Variants in SHQ1 observed in about 807,000 individuals in gnomAD.
SHQ1 encodes SHQ1, H/ACA ribonucleoprotein assembly factor.
SHQ1 carries 49 observed loss-of-function variants against 53.8 expected under a neutral mutation model. The ratio of observed to expected loss-of-function variants is 0.91; its 90% CI spans 0.72 to 1.16. The LOEUF (loss-of-function observed/expected upper bound fraction) is 1.16, where lower values mean the gene tolerates loss of function less well. Among genes scored for constraint, SHQ1 ranks in the 50% most tolerant of loss-of-function variants. The probability of loss-of-function intolerance (pLI) is 0.00; values close to 1 mark genes in which losing one functional copy is unlikely to be tolerated. For missense variants in SHQ1, 738 were observed against 683.1 expected (o/e 1.08, Z -0.90); for synonymous variants, 243 against 251.0 (o/e 0.97, Z 0.30).
At chr3:72,751,024 G>C (rs1417648511) in intron 10 of SHQ1, among the ~76,000 whole-genome samples, 188 bp from the exon 11 acceptor site, 1 of 152,146 alleles carries the variant, frequency 6.6e-6, no homozygotes, top group Non-Finnish European at 1.5e-5. Flanking sequence ...GGGAAACACA[G>C]ATTTCTTTTA....
intron 9 of SHQ1, among the ~76,000 whole-genome samples, chr3:72,808,077 C>CA (rs1362283984): frequency 6.6e-6 from 1 of 151,870 alleles, no homozygotes; most frequent in Admixed American, 6.6e-5. Context: ...TTTTCTTAGC[C>CA]AAAAAAATTT....
At chr3:72,833,499 TAGACAGACAGACAGAC>T (rs58448242) in intron 4 of SHQ1, among the ~76,000 whole-genome samples, 6 of 37,458 alleles carry the variant, frequency 1.6e-4, no homozygotes, top group Non-Finnish European at 2.4e-4. Flanking sequence ...GATAGATAGA[TAGACAGACAGACAGAC>T]AGATAGATGG....
intron 6 of SHQ1, among the ~76,000 whole-genome samples, chr3:72,822,221 C>T (rs1707498447): frequency 6.6e-6 from 1 of 152,142 alleles, no homozygotes; most frequent in Non-Finnish European, 1.5e-5. Flanking sequence ...ACACGCTGTT[C>T]GACACAAAGC....
At chr3:72,731,452 G>A in the SHQ1 span, among the ~76,000 whole-genome samples, 8 of 151,446 alleles carry the variant, frequency 5.3e-5, no homozygotes, top group Non-Finnish European at 8.8e-5. Context: ...TTGGGAGGCC[G>A]AGACAGATGG....
Position 72,753,155 on chromosome 3 carries a change from A to G in SHQ1, c.1182-2319T>C, listed in dbSNP as rs891901458. On this transcript the variant is annotated intron_variant, in intron 10 of 10. Coordinates refer to ENST00000325599, the MANE Select transcript of SHQ1 (RefSeq NM_018130.3). ...GAAATCTGATGTGACAACTGAAGAA[A>G]GGTGACAGTGAGTGAAAGTGGTAAA... 9.1e-6 allele frequency: 9 copies of G among 985,288 alleles called. No homozygotes were observed. The Admixed American group carries it at 2.5e-4, about 27-fold the overall frequency. 61.0% of individuals were successfully genotyped at this position (985,288 alleles called of 1,614,324 possible).
intron 6 of SHQ1, among the ~76,000 whole-genome samples, chr3:72,821,985 A>T (rs961880803): frequency 7.2e-5 from 11 of 151,924 alleles, no homozygotes; most frequent in African/African-American, 2.7e-4. Flanking sequence ...AAACCATCCA[A>T]CTCCTGGCTC....
intron 6 of SHQ1, among the ~76,000 whole-genome samples, chr3:72,820,869 C>T (rs1203957486): frequency 6.6e-6 from 1 of 152,188 alleles, no homozygotes; most frequent in Non-Finnish European, 1.5e-5. Flanking sequence ...ACATCAAAAA[C>T]CCCACCAATA....
At chr3:72,833,075 T>C (rs868253920) in intron 4 of SHQ1, among the ~76,000 whole-genome samples, 3 of 152,190 alleles carry the variant, frequency 2.0e-5, no homozygotes, top group Middle Eastern at 3.2e-3. Flanking sequence ...CCAAAGAGTA[T>C]TTCCTTTGAG....
At chr3:72,805,541 G>C (rs1706914157) in intron 9 of SHQ1, among the ~76,000 whole-genome samples, 1 of 152,100 alleles carries the variant, frequency 6.6e-6, no homozygotes, top group African/African-American at 2.4e-5. Context: ...ACTAATTATA[G>C]AAGTTTTTTT....
At position 72,749,593 on chromosome 3, in the gene SHQ1, G is replaced by T; in HGVS notation, c.*691C>A. The T allele has an allele frequency of 4.5e-6, 1 of 221,152 alleles. No homozygotes were observed. The highest frequency in any genetic ancestry group is 9.0e-6 in the Non-Finnish European group (1 of 110,542). 13.7% of individuals were successfully genotyped at this position (221,152 alleles called of 1,614,324 possible). The stretch of plus-strand genomic sequence containing the variant: ...GGGTCCGTTCCTCACTTCAGTTGTG[G>T]TGATAGTTTTACGCAGGGTATACAT... On this transcript the variant is annotated 3_prime_UTR_variant, in exon 11 of 11. Coordinates refer to ENST00000325599, the MANE Select transcript of SHQ1 (RefSeq NM_018130.3).
chr3:72,785,347 T>C (rs1271056935), intron 10 of SHQ1, among the ~76,000 whole-genome samples: 1 of 152,220 alleles, frequency 6.6e-6, no homozygotes, highest in Non-Finnish European at 1.5e-5. Context: ...ATGGGAACAA[T>C]TGACAAGAAG....
chr3:72,840,330 A>T (rs982917248), intron 4 of SHQ1, among the ~76,000 whole-genome samples: 2 of 151,588 alleles, frequency 1.3e-5, no homozygotes, highest in Non-Finnish European at 2.9e-5. Context: ...TTGGGAGGCC[A>T]AGGCAGGCAA....
intron 10 of SHQ1, among the ~76,000 whole-genome samples, chr3:72,752,689 G>A (rs1575673093): frequency 6.6e-6 from 1 of 152,054 alleles, no homozygotes; most frequent in South Asian, 2.1e-4. Context: ...ACCATGCCCA[G>A]CTAATTTTTT....
chr3:72,769,827 T>C (rs2106736295), intron 10 of SHQ1, among the ~76,000 whole-genome samples: 1 of 152,292 alleles, frequency 6.6e-6, no homozygotes, highest in East Asian at 1.9e-4. Flanking sequence ...GGTCATGTGT[T>C]CTGAAGTCGG....
In SHQ1 at chr3:72,823,960, G is replaced by A. The variant is rs1707566291; in HGVS notation, c.727+464C>T. 2.6e-5 allele frequency among the ~76,000 whole-genome samples: 4 copies of A among 152,166 alleles called. No individual in the cohort carries two copies. The South Asian group carries it at 8.3e-4, about 32-fold the overall frequency. On this transcript the variant is annotated intron_variant, in intron 6 of 10. Transcript: ENST00000325599. ...GCAAATGTTATATTTCTAATGTATA[G>A]TCTTAATATATCAATGCTACACTGC...
chr3:72,774,312 A>T (rs971868847), intron 10 of SHQ1, among the ~76,000 whole-genome samples: 18 of 152,210 alleles, frequency 1.2e-4, no homozygotes, highest in African/African-American at 3.9e-4. Context: ...AAGATACAAA[A>T]AACAAACAGC....
chr3:72,757,950 C>T (rs1359494884), intron 10 of SHQ1, among the ~76,000 whole-genome samples: 2 of 152,144 alleles, frequency 1.3e-5, no homozygotes, highest in Non-Finnish European at 2.9e-5. Context: ...ATATAACAAA[C>T]CTGCACGTGT....
intron 10 of SHQ1, among the ~76,000 whole-genome samples, chr3:72,757,464 C>A (rs568466126): frequency 1.0e-5 from 1 of 99,456 alleles, no homozygotes; most frequent in Non-Finnish European, 2.0e-5. Context: ...AGTAATACCA[C>A]AATACAATGT....
At chr3:72,760,459 A>G (rs62251649) in intron 10 of SHQ1, among the ~76,000 whole-genome samples, 1 of 152,076 alleles carries the variant, frequency 6.6e-6, no homozygotes, top group Admixed American at 6.5e-5. Context: ...AGATCCACTG[A>G]AATTTCATTC....
Sources: gnomAD v4.1 joint callset for allele counts (sites outside exome capture counted in the v4.1 genomes callset) on GRCh38, gnomAD v4.1.1 for gene constraint, MANE v1.5 for transcripts, NCBI Gene and HGNC (gene_info 2026-07-23, HGNC 2026-07-21) for gene names.